The following UBE3B variants were observed in gnomAD, a reference collection of about 807,000 sequenced individuals.
UBE3B encodes the protein ubiquitin-protein ligase E3B.
UBE3B carries 80 observed loss-of-function variants against 132.3 expected under a neutral mutation model. The observed-to-expected ratio is 0.60, with a 90% confidence interval of 0.50 to 0.73. UBE3B has a LOEUF of 0.73. Among genes scored for constraint, UBE3B ranks in the 30% least tolerant of loss-of-function variants. The probability of loss-of-function intolerance (pLI) is 0.00; values close to 1 mark genes in which losing one functional copy is unlikely to be tolerated. For missense variants in UBE3B, 1,196 were observed against 1,362.5 expected, an observed-to-expected ratio of 0.88 and a Z score of 1.92; for synonymous variants, 487 against 520.4, an observed-to-expected ratio of 0.94 and a Z score of 0.87.
At chr12:109,484,360 G>T (rs558092665) in intron 4 of UBE3B, among the ~76,000 whole-genome samples, 1 of 152,320 alleles carries the variant, frequency 6.6e-6, no homozygotes, top group African/African-American at 2.4e-5. Flanking sequence ...CATCCACGGG[G>T]AGCAGCTACT....
intron 18 of UBE3B, among the ~76,000 whole-genome samples, chr12:109,512,109 G>A (rs1880440815): frequency 6.6e-6 from 1 of 152,160 alleles, no homozygotes; most frequent in South Asian, 2.1e-4. Context: ...CTGGCTCCTG[G>A]AAGCCATTGG....
chr12:109,493,310 C>G (rs571291643), intron 9 of UBE3B, among the ~76,000 whole-genome samples: 1 of 152,278 alleles, frequency 6.6e-6, no homozygotes, highest in South Asian at 2.1e-4. Context: ...CCTGAACTTT[C>G]AAGCTCAGGA....
At chr12:109,540,963 C>T (rs1716210670), downstream of UBE3B, among the ~76,000 whole-genome samples, 1 of 152,144 alleles carries the variant, frequency 6.6e-6, no homozygotes, top group Non-Finnish European at 1.5e-5. Context: ...CTGAGGTGGT[C>T]CTCTCCTCCT....
At chr12:109,503,790 G>A (rs978560868) in intron 14 of UBE3B, among the ~76,000 whole-genome samples, 1 of 152,218 alleles carries the variant, frequency 6.6e-6, no homozygotes, top group Non-Finnish European at 1.5e-5. Context: ...CACAGTTGTT[G>A]TTATGAATTG....
chr12:109,486,596 A>AAAAAAAAAAAAAAAC (rs1566074274), intron 6 of UBE3B, 21 bp downstream of exon 6: 2 of 1,445,040 alleles, frequency 1.4e-6, no homozygotes, highest in Admixed American at 2.1e-5. Flanking sequence ...AAAAAAAAAA[A>AAAAAAAAAAAAAAAC]AAAAAAAGCA....
intron 14 of UBE3B, 117 bp downstream of exon 14, chr12:109,503,307 G>T (rs1206001654): frequency 5.3e-6 from 7 of 1,328,366 alleles, no homozygotes; most frequent in Non-Finnish European, 7.1e-6. Context: ...CTGAAGGAGG[G>T]CATTTTTGAG....
At chr12:109,507,543 G>C in intron 14 of UBE3B, 21 bp from the exon 15 acceptor site, 2 of 1,606,036 alleles carry the variant, frequency 1.2e-6, no homozygotes, top group Non-Finnish European at 1.7e-6. Context: ...TGAAGCTTGG[G>C]TTTCTCTGTG....
chr12:109,528,949 A>G (rs1882668229), intron 24 of UBE3B, among the ~76,000 whole-genome samples: 1 of 152,184 alleles, frequency 6.6e-6, no homozygotes, highest in Non-Finnish European at 1.5e-5. Context: ...ACCCGAGGTC[A>G]GGAGTTTGAG....
intron 24 of UBE3B, among the ~76,000 whole-genome samples, chr12:109,528,723 AG>A (rs773470198): frequency 6.6e-6 from 1 of 152,068 alleles, no homozygotes; most frequent in Non-Finnish European, 1.5e-5. Flanking sequence ...ACATGGTGGC[AG>A]GCGCTGTAAT....
chr12:109,485,982 A>G, intron 4 of UBE3B, 30 bp from the exon 5 acceptor site: 5 of 1,550,726 alleles, frequency 3.2e-6, no homozygotes, highest in Non-Finnish European at 4.4e-6. Flanking sequence ...GATTGTGGGA[A>G]TGTATAACCC....
chr12:109,490,986 A>T (rs1877378542), intron 8 of UBE3B, 59 bp from the exon 9 acceptor site: 6 of 1,564,312 alleles, frequency 3.8e-6, no homozygotes, highest in Admixed American at 3.6e-5. Flanking sequence ...TTGCTCTTTT[A>T]TGTACAAATG....
chr12:109,533,905 A>G (rs1387195585), intron 27 of UBE3B: 1 of 1,328,498 alleles, frequency 7.5e-7, no homozygotes, highest in Non-Finnish European at 9.9e-7. Flanking sequence ...TGGGCTCAGG[A>G]GGCAGGCAGG....
At chr12:109,517,478 T>C (rs1415349292) in intron 19 of UBE3B, among the ~76,000 whole-genome samples, 1 of 152,126 alleles carries the variant, frequency 6.6e-6, no homozygotes, top group African/African-American at 2.4e-5. Context: ...TGTCAGAAAA[T>C]TGTCACAATA....
downstream of UBE3B, among the ~76,000 whole-genome samples, chr12:109,540,631 G>A (rs1292154499): frequency 2.6e-5 from 4 of 152,202 alleles, no homozygotes; most frequent in Admixed American, 2.6e-4. Context: ...AATGGCACAT[G>A]GATGTTTAAA....
In UBE3B at chr12:109,490,234, G is replaced by A. The variant is rs1877224584; in HGVS notation, c.630+230G>A. Reference sequence around the variant, plus strand: ...CCTTGAATGCTCTACATTTTTGGCTGCAAGGGTAATCCAGTCTTTTGACAT... The same window carrying A: ...CCTTGAATGCTCTACATTTTTGGCTACAAGGGTAATCCAGTCTTTTGACAT... On this transcript the variant is annotated intron_variant, in intron 8 of 27. Transcript: ENST00000342494. 1.2e-5 allele frequency: 11 copies of A among 931,324 alleles called. No homozygotes were observed. In the South Asian group the frequency reaches 1.6e-4, roughly 14 times the overall value. 57.7% of individuals were successfully genotyped at this position (931,324 alleles called of 1,614,324 possible).
chr12:109,514,992 C>T (rs927745416), intron 18 of UBE3B, among the ~76,000 whole-genome samples: 2 of 151,778 alleles, frequency 1.3e-5, no homozygotes, highest in African/African-American at 4.8e-5. Flanking sequence ...CAGCTCACTG[C>T]AAGCTCCACC....
At chr12:109,498,481 C>A (rs560248561) in intron 11 of UBE3B, 128 bp downstream of exon 11, 386 of 1,073,882 alleles carry the variant, frequency 3.6e-4, no homozygotes, top group Non-Finnish European at 4.4e-4. Context: ...ATAAAAAACA[C>A]GTATTTAGAT....
chr12:109,480,602 G>T lies in UBE3B; in HGVS notation c.-127-1035G>T, dbSNP rs1484239695. Among the ~76,000 whole-genome samples, 71 of 151,470 alleles carry T rather than the reference G, an allele frequency of 4.7e-4. 2 individuals are homozygous for T. The highest frequency in any genetic ancestry group is 4.7e-3 in the Admixed American group (71 of 15,190). ...GGAGGTAGAAGCTGCAATGAACCATGATTGCACCACTGCACTCCAGCTTGG... is the reference window on the plus strand; with the variant it reads ...GGAGGTAGAAGCTGCAATGAACCATTATTGCACCACTGCACTCCAGCTTGG... On this transcript the variant is annotated intron_variant, in intron 1 of 27. Coordinates refer to ENST00000342494, the MANE Select transcript of UBE3B (RefSeq NM_130466.4).
chr12:109,506,067 A>G (rs1243345927), intron 14 of UBE3B, among the ~76,000 whole-genome samples: 1 of 152,218 alleles, frequency 6.6e-6, no homozygotes. Flanking sequence ...TGTAGCCATC[A>G]GGAAACAAAT....
Sources: gnomAD v4.1 joint callset for allele counts (sites outside exome capture counted in the v4.1 genomes callset) on GRCh38, gnomAD v4.1.1 for gene constraint, MANE v1.5 for transcripts, NCBI Gene and HGNC (gene_info 2026-07-23, HGNC 2026-07-21) for gene names.